Variants in EXOC4 observed in about 807,000 individuals in gnomAD.
The protein encoded by EXOC4 is SEC8-like 1.
In EXOC4, 71 loss-of-function variants were observed where a neutral mutation model predicts 107.2. That is an observed-to-expected ratio of 0.66 (90% CI 0.55 to 0.81). EXOC4 has a LOEUF of 0.81. Among genes scored for constraint, EXOC4 ranks in the 30% least tolerant of loss-of-function variants. EXOC4 has a pLI of 0.00. For synonymous variants in EXOC4, 456 were observed against 441.2 expected (o/e 1.03, Z -0.42); for missense variants, 1,108 against 1,189.6 (o/e 0.93, Z 1.01).
At chr7:133,787,966 TATATATATA>T (rs1562997646) in intron 10 of EXOC4, among the ~76,000 whole-genome samples, 6 of 16,492 alleles carry the variant, frequency 3.6e-4, no homozygotes, top group African/African-American at 1.1e-3. Flanking sequence ...TATATATTTA[TATATATATA>T]TATATATATA....
At chr7:133,710,280 G>C (rs1009750669) in intron 10 of EXOC4, among the ~76,000 whole-genome samples, 1 of 152,018 alleles carries the variant, frequency 6.6e-6, no homozygotes, top group African/African-American at 2.4e-5. Flanking sequence ...CAAAGGCCTG[G>C]GTCAGTGCAT....
chr7:133,415,575 A>G (rs1369417795), intron 7 of EXOC4, among the ~76,000 whole-genome samples: 1 of 152,152 alleles, frequency 6.6e-6, no homozygotes, highest in Non-Finnish European at 1.5e-5. Context: ...AAAGCATGTA[A>G]AACATTGGCA....
At chr7:133,654,370 A>G (rs1803235254) in intron 10 of EXOC4, among the ~76,000 whole-genome samples, 1 of 152,098 alleles carries the variant, frequency 6.6e-6, no homozygotes, top group Admixed American at 6.6e-5. Context: ...GTAAAATGGG[A>G]ATGATATTAT....
intron 4 of EXOC4, among the ~76,000 whole-genome samples, chr7:133,316,446 A>G (rs1026330314): frequency 1.3e-5 from 2 of 152,096 alleles, no homozygotes; most frequent in African/African-American, 4.8e-5. Flanking sequence ...TCTGTTGTAG[A>G]TAGTGTGCGA....
At chr7:133,328,749 C>A (rs900029275) in intron 5 of EXOC4, among the ~76,000 whole-genome samples, 1 of 152,162 alleles carries the variant, frequency 6.6e-6, no homozygotes. Flanking sequence ...AATATTGGCC[C>A]TCACTGTCTT....
chr7:133,313,491 T>C (rs1794923036), intron 4 of EXOC4, among the ~76,000 whole-genome samples: 1 of 152,246 alleles, frequency 6.6e-6, no homozygotes, highest in Admixed American at 6.5e-5. Flanking sequence ...ATATCAGTTA[T>C]TCGATTTACA....
At chr7:133,493,685 A>G (rs1799419583) in intron 9 of EXOC4, among the ~76,000 whole-genome samples, 1 of 151,376 alleles carries the variant, frequency 6.6e-6, no homozygotes, top group Admixed American at 6.6e-5. Flanking sequence ...TTCTTCTCTG[A>G]CAGAAGTCTT....
intron 14 of EXOC4, among the ~76,000 whole-genome samples, chr7:133,991,093 T>C (rs1035666033): frequency 6.6e-5 from 10 of 152,226 alleles, no homozygotes; most frequent in African/African-American, 2.4e-4. Flanking sequence ...CATTTGTCTT[T>C]TTTATAATAG....
At chr7:133,389,355 G>A (rs539110584) in intron 7 of EXOC4, among the ~76,000 whole-genome samples, 8 of 152,204 alleles carry the variant, frequency 5.3e-5, no homozygotes, top group Admixed American at 2.0e-4. Flanking sequence ...TGGATCACCT[G>A]AGGTCAGGAG....
chr7:133,627,798 C>T (rs1366146855), intron 9 of EXOC4, among the ~76,000 whole-genome samples: 4 of 152,024 alleles, frequency 2.6e-5, no homozygotes, highest in South Asian at 2.1e-4. Flanking sequence ...AAAAAACAGT[C>T]CATGATTTTT....
intron 7 of EXOC4, among the ~76,000 whole-genome samples, chr7:133,377,744 GA>G (rs1271215395): frequency 6.6e-6 from 1 of 151,868 alleles, no homozygotes; most frequent in Non-Finnish European, 1.5e-5. Flanking sequence ...GAAAACCAAA[GA>G]AAAAATTCTT....
intron 7 of EXOC4, among the ~76,000 whole-genome samples, chr7:133,440,585 G>C (rs1459588801): frequency 1.3e-5 from 2 of 152,180 alleles, no homozygotes; most frequent in Non-Finnish European, 2.9e-5. Context: ...TCAGAGGTCA[G>C]CACAAGATAC....
chr7:133,757,359 T>TA (rs528434685), intron 10 of EXOC4, among the ~76,000 whole-genome samples: 1 of 152,182 alleles, frequency 6.6e-6, no homozygotes, highest in African/African-American at 2.4e-5. Context: ...ATCTTACTTT[T>TA]AAAAAAATGC....
In EXOC4 at chr7:133,867,411, C is replaced by T. The variant is rs76127629; in HGVS notation, c.1735-28188C>T. Among the ~76,000 whole-genome samples the T allele has an allele frequency of 3.5e-4, 54 of 152,306 alleles. 1 individual carries two copies. In the East Asian group the frequency reaches 9.9e-3, roughly 28 times the overall value. On this transcript the variant is annotated intron_variant, in intron 11 of 17. Coordinates refer to ENST00000253861, the MANE Select transcript of EXOC4 (RefSeq NM_021807.4). ...ATTACCATTATGGCATCAATCCTTA[C>T]GAAGTGTATAAAACCTCTTACCCCT...
At chr7:133,874,959 A>G (rs1798819105) in intron 11 of EXOC4, among the ~76,000 whole-genome samples, 1 of 152,226 alleles carries the variant, frequency 6.6e-6, no homozygotes, top group Non-Finnish European at 1.5e-5. Context: ...AAAGGACAAA[A>G]TAATCACATA....
intron 9 of EXOC4, among the ~76,000 whole-genome samples, chr7:133,589,130 C>G (rs920255044): frequency 6.6e-6 from 1 of 152,164 alleles, no homozygotes; most frequent in Non-Finnish European, 1.5e-5. Flanking sequence ...TAGTCCTTCC[C>G]TAAAGAACTG....
rs200237455 is a variant in EXOC4, at chr7:133,649,259, CA to C, written c.1514+19119del. Among the ~76,000 whole-genome samples the C allele has an allele frequency of 5.6e-3, 858 of 152,218 alleles. 7 individuals are homozygous for C. Among genetic ancestry groups the C allele is most frequent in the African/African-American group, 0.02 (817 of 41,544 alleles). On this transcript the variant is annotated intron_variant, in intron 10 of 17. Coordinates refer to ENST00000253861, the MANE Select transcript of EXOC4 (RefSeq NM_021807.4). Reference sequence around the variant, plus strand: ...TCCAGATATTGACAGAATCATTAAACATGCCTGAAGCTTCATTATTACTTTT... The same window carrying C: ...TCCAGATATTGACAGAATCATTAAACTGCCTGAAGCTTCATTATTACTTTT...
intron 10 of EXOC4, among the ~76,000 whole-genome samples, chr7:133,807,078 G>A (rs1797094388): frequency 6.6e-6 from 1 of 152,128 alleles, no homozygotes; most frequent in Non-Finnish European, 1.5e-5. Context: ...CGGAAGATAT[G>A]GTGGGCCGAC....
chr7:133,314,373 T>A (rs1182936094), intron 4 of EXOC4, among the ~76,000 whole-genome samples: 7 of 152,176 alleles, frequency 4.6e-5, no homozygotes, highest in Non-Finnish European at 1.0e-4. Context: ...TTTGGGTTAG[T>A]GCTCACCAAG....
Sources: gnomAD v4.1 joint callset for allele counts (sites outside exome capture counted in the v4.1 genomes callset) on GRCh38, gnomAD v4.1.1 for gene constraint, MANE v1.5 for transcripts, NCBI Gene and HGNC (gene_info 2026-07-23, HGNC 2026-07-21) for gene names.